Variants in CMPK1 observed in about 807,000 individuals in gnomAD.
CMPK1 encodes UMP-CMP kinase.
CMPK1 carries 10 observed loss-of-function variants against 25.7 expected under a neutral mutation model. The ratio of observed to expected loss-of-function variants is 0.39; its 90% CI spans 0.24 to 0.66. The LOEUF (loss-of-function observed/expected upper bound fraction) is 0.66, where lower values mean the gene tolerates loss of function less well. Ranked by LOEUF, CMPK1 falls within the 30% of genes least tolerant of loss-of-function variation. The pLI is 0.48. For missense variants in CMPK1, 199 were observed against 280.5 expected, an observed-to-expected ratio of 0.71 and a Z score of 2.08; for synonymous variants, 106 against 101.5, an observed-to-expected ratio of 1.04 and a Z score of -0.27.
At chr1:47,367,131 A>G (rs1646644833) in intron 1 of CMPK1, among the ~76,000 whole-genome samples, 1 of 152,166 alleles carries the variant, frequency 6.6e-6, no homozygotes, top group South Asian at 2.1e-4. Context: ...TCAGCCTCCC[A>G]AAGTGCTAGG....
At chr1:47,374,368 T>C (rs1021635980) in intron 3 of CMPK1, among the ~76,000 whole-genome samples, 1 of 152,198 alleles carries the variant, frequency 6.6e-6, no homozygotes, top group Non-Finnish European at 1.5e-5. Context: ...TTTGCATTGT[T>C]TTAAAACGTA....
chr1:47,358,056 GT>G, intron 1 of CMPK1, among the ~76,000 whole-genome samples: 1 of 137,922 alleles, frequency 7.3e-6, no homozygotes, highest in South Asian at 2.5e-4. Flanking sequence ...ACCTGTATGA[GT>G]TTGTCTATCT....
At chr1:47,361,970 A>C (rs1235290222) in intron 1 of CMPK1, among the ~76,000 whole-genome samples, 2 of 150,106 alleles carry the variant, frequency 1.3e-5, no homozygotes, top group Non-Finnish European at 2.9e-5. Context: ...TCCCAGGTTC[A>C]AGCAATTTTC....
chr1:47,336,085 A>G (rs1646396992), intron 1 of CMPK1, among the ~76,000 whole-genome samples: 1 of 152,094 alleles, frequency 6.6e-6, no homozygotes, highest in African/African-American at 2.4e-5. Context: ...TTAAAAAGTA[A>G]AGAGACTGGC....
intron 1 of CMPK1, among the ~76,000 whole-genome samples, chr1:47,349,748 T>C (rs1646508723): frequency 6.6e-6 from 1 of 151,690 alleles, no homozygotes; most frequent in Non-Finnish European, 1.5e-5. Context: ...CTAAATGTTC[T>C]TGTTTGTTTG....
chr1:47,358,437 A>G (rs1040656231), intron 1 of CMPK1: 6 of 1,201,322 alleles, frequency 5.0e-6, no homozygotes, highest in Non-Finnish European at 6.3e-6. Context: ...TTTGTTCTTC[A>G]AGAGATTCTT....
At chr1:47,373,965 C>T (rs1646692364) in intron 3 of CMPK1, among the ~76,000 whole-genome samples, 1 of 152,108 alleles carries the variant, frequency 6.6e-6, no homozygotes, top group African/African-American at 2.4e-5. Context: ...AATTAAAAAG[C>T]CTGAAGTAGT....
intron 2 of CMPK1, 67 bp downstream of exon 2, chr1:47,368,682 C>G (rs2149333514): frequency 7.4e-7 from 1 of 1,355,118 alleles, no homozygotes; most frequent in East Asian, 2.7e-5. Context: ...CACCTTTTGG[C>G]CAGGCAGTTG....
chr1:47,361,343 C>T (rs999051848), intron 1 of CMPK1, among the ~76,000 whole-genome samples: 5 of 152,120 alleles, frequency 3.3e-5, no homozygotes, highest in Admixed American at 6.5e-5. Context: ...GAGCCGAGAT[C>T]GCGCCACTGC....
At chr1:47,372,219 A>G (rs771285239) in intron 2 of CMPK1, among the ~76,000 whole-genome samples, 6 of 151,502 alleles carry the variant, frequency 4.0e-5, no homozygotes, top group Non-Finnish European at 8.8e-5. Context: ...CAGCCTCCCC[A>G]GTAGCTGGGA....
chr1:47,371,708 C>A (rs963256372), intron 2 of CMPK1, among the ~76,000 whole-genome samples: 1 of 152,170 alleles, frequency 6.6e-6, no homozygotes, highest in African/African-American at 2.4e-5. Flanking sequence ...TGGTTTTAGC[C>A]ATACCCAAAG....
At chr1:47,356,175 C>T (rs1355312126) in intron 1 of CMPK1, among the ~76,000 whole-genome samples, 2 of 152,010 alleles carry the variant, frequency 1.3e-5, no homozygotes, top group East Asian at 1.9e-4. Flanking sequence ...ATTCACCTGG[C>T]GTTTAGTTTT....
chr1:47,361,823 ATCCT>A (rs1646604784), intron 1 of CMPK1, among the ~76,000 whole-genome samples: 1 of 146,600 alleles, frequency 6.8e-6, no homozygotes, highest in African/African-American at 2.5e-5. Flanking sequence ...AATGGATTAT[ATCCT>A]TCCTTTTTCT....
At chr1:47,376,527 G>T (rs1646709537) in intron 5 of CMPK1, among the ~76,000 whole-genome samples, 177 bp from the exon 6 acceptor site, 1 of 152,102 alleles carries the variant, frequency 6.6e-6, no homozygotes, top group Admixed American at 6.6e-5. Flanking sequence ...TGTTGGCCAG[G>T]CTGGTCTTGA....
At position 47,376,906 on chromosome 1, in the gene CMPK1, T is replaced by C. The variant is rs547975641; in HGVS notation, c.*161T>C. 125 of 473,478 alleles carry C rather than the reference T, an allele frequency of 2.6e-4. No homozygotes were observed. Among genetic ancestry groups the C allele is most frequent in the Non-Finnish European group, 4.1e-4 (109 of 263,976 alleles). 29.3% of individuals were successfully genotyped at this position (473,478 alleles called of 1,614,324 possible). ...AAGTAAATTTTTTTATGTTCTTTTT[T>C]TTGGTCACAGGAGTAGACAGTGAAT... On this transcript the variant is annotated 3_prime_UTR_variant, in exon 6 of 6. Transcript: ENST00000371873.
intron 1 of CMPK1, among the ~76,000 whole-genome samples, chr1:47,364,950 A>G (rs1033605883): frequency 1.3e-5 from 2 of 151,820 alleles, no homozygotes; most frequent in Non-Finnish European, 2.9e-5. Flanking sequence ...TTTTGTAGAA[A>G]CATGTTCACT....
chr1:47,357,201 G>A (rs1646566880), intron 1 of CMPK1, among the ~76,000 whole-genome samples: 1 of 151,564 alleles, frequency 6.6e-6, no homozygotes, highest in South Asian at 2.1e-4. Context: ...CTGACCTGGT[G>A]ATCTGCCTGC....
chr1:47,347,487 G>A (rs1475600929), intron 1 of CMPK1, among the ~76,000 whole-genome samples: 1 of 152,228 alleles, frequency 6.6e-6, no homozygotes, highest in Non-Finnish European at 1.5e-5. Context: ...GAGATTACGG[G>A]CATGAGCTGC....
intron 1 of CMPK1, among the ~76,000 whole-genome samples, chr1:47,361,994 C>T (rs1291380736): frequency 6.6e-6 from 1 of 151,736 alleles, no homozygotes; most frequent in Admixed American, 6.6e-5. Flanking sequence ...TCTCAGCCTC[C>T]TGAATACCTG....
Sources: gnomAD v4.1 joint callset for allele counts (sites outside exome capture counted in the v4.1 genomes callset) on GRCh38, gnomAD v4.1.1 for gene constraint, MANE v1.5 for transcripts, NCBI Gene and HGNC (gene_info 2026-07-23, HGNC 2026-07-21) for gene names.